SPOCK3: variants seen among roughly 807,000 people sequenced by gnomAD.
SPOCK3 encodes the protein testican-3.
SPOCK3 carries 30 observed loss-of-function variants against 56.6 expected under a neutral mutation model. The ratio of observed to expected loss-of-function variants is 0.53; its 90% confidence interval spans 0.40 to 0.72. The LOEUF is 0.72. SPOCK3 is among the 30% of genes least tolerant of loss of function. The pLI is 0.00. For synonymous variants in SPOCK3, 196 were observed against 183.3 expected (o/e 1.07, Z -0.56); for missense variants, 527 against 530.0 (o/e 0.99, Z 0.06).
intron 2 of SPOCK3, among the ~76,000 whole-genome samples, chr4:167,152,611 T>C (rs1764515128): frequency 6.6e-6 from 1 of 152,200 alleles, no homozygotes; most frequent in African/African-American, 2.4e-5. Flanking sequence ...TTCAACTTTT[T>C]AAATAATCAC....
chr4:166,993,673 CT>C (rs200435221), intron 4 of SPOCK3, among the ~76,000 whole-genome samples: 1,929 of 152,162 alleles, frequency 0.013, 19 homozygotes, highest in Non-Finnish European at 0.019. Context: ...TTCTCAACTA[CT>C]TTGTCTATGG....
intron 6 of SPOCK3, among the ~76,000 whole-genome samples, chr4:166,859,826 T>C (rs923719136): frequency 2.0e-5 from 3 of 152,052 alleles, no homozygotes; most frequent in African/African-American, 4.8e-5. Flanking sequence ...CATTTGAAAA[T>C]AACACTTTCC....
At chr4:167,215,416 A>G (rs1735262896) in intron 2 of SPOCK3, among the ~76,000 whole-genome samples, 2 of 152,106 alleles carry the variant, frequency 1.3e-5, no homozygotes, top group African/African-American at 4.8e-5. Flanking sequence ...TGAAAAAGAC[A>G]GGTTGCATGT....
At chr4:166,778,118 C>A (rs1168197544) in intron 7 of SPOCK3, among the ~76,000 whole-genome samples, 1 of 152,160 alleles carries the variant, frequency 6.6e-6, no homozygotes, top group African/African-American at 2.4e-5. Flanking sequence ...AATTGTCAAG[C>A]AATGTCTCTT....
intron 7 of SPOCK3, among the ~76,000 whole-genome samples, chr4:166,775,697 G>A (rs543144531): frequency 2.0e-5 from 3 of 152,290 alleles, no homozygotes; most frequent in South Asian, 4.1e-4. Flanking sequence ...AATCAGGAAG[G>A]TAGACTTAGA....
At chr4:167,141,148 C>T (rs1342917098) in intron 2 of SPOCK3, among the ~76,000 whole-genome samples, 1 of 151,928 alleles carries the variant, frequency 6.6e-6, no homozygotes, top group Non-Finnish European at 1.5e-5. Context: ...CAGATTTGGA[C>T]TTCAGCCCCA....
intron 3 of SPOCK3, among the ~76,000 whole-genome samples, chr4:167,002,843 T>A (rs1332415309): frequency 6.6e-6 from 1 of 152,198 alleles, no homozygotes; most frequent in Non-Finnish European, 1.5e-5. Context: ...TTAGCCTATG[T>A]TGATGTCTAA....
chr4:166,753,090 A>C (rs968647723), intron 8 of SPOCK3, among the ~76,000 whole-genome samples: 1 of 152,050 alleles, frequency 6.6e-6, no homozygotes, highest in Non-Finnish European at 1.5e-5. Flanking sequence ...GAATATTCTA[A>C]GATAAAGAAT....
At chr4:167,059,024 G>A (rs1416482266) in intron 3 of SPOCK3, among the ~76,000 whole-genome samples, 4 of 151,834 alleles carry the variant, frequency 2.6e-5, no homozygotes, top group Non-Finnish European at 4.4e-5. Context: ...AGACTTAAAC[G>A]TTAGACCTAA....
At chr4:166,840,339 T>C (rs972149558) in intron 6 of SPOCK3, among the ~76,000 whole-genome samples, 2 of 152,222 alleles carry the variant, frequency 1.3e-5, no homozygotes, top group East Asian at 3.9e-4. Flanking sequence ...TTCAGCCTTC[T>C]CTGATTTGGG....
intron 2 of SPOCK3, among the ~76,000 whole-genome samples, chr4:167,182,612 T>G (rs1366154855): frequency 6.6e-6 from 1 of 152,084 alleles, no homozygotes; most frequent in African/African-American, 2.4e-5. Flanking sequence ...CAATCTTAGC[T>G]TACTGCAACC....
At chr4:167,170,046 A>G (rs1288040949) in intron 2 of SPOCK3, among the ~76,000 whole-genome samples, 2 of 152,148 alleles carry the variant, frequency 1.3e-5, no homozygotes, top group Non-Finnish European at 2.9e-5. Flanking sequence ...TATACATTAC[A>G]CAGTCTCAAG....
At chr4:166,796,530 T>C (rs1199315202) in intron 6 of SPOCK3, among the ~76,000 whole-genome samples, 1 of 152,182 alleles carries the variant, frequency 6.6e-6, no homozygotes, top group Non-Finnish European at 1.5e-5. Flanking sequence ...AAGGTCACCA[T>C]TCATTTTTGC....
At chr4:167,023,207 A>T (rs986619709) in intron 3 of SPOCK3, among the ~76,000 whole-genome samples, 1 of 151,926 alleles carries the variant, frequency 6.6e-6, no homozygotes, top group African/African-American at 2.4e-5. Context: ...ATATGGCACA[A>T]TTCTTCAGGG....
intron 2 of SPOCK3, among the ~76,000 whole-genome samples, chr4:167,113,520 A>G (rs566101416): frequency 6.6e-6 from 1 of 152,214 alleles, no homozygotes; most frequent in Non-Finnish European, 1.5e-5. Flanking sequence ...AATAGGAATA[A>G]GAATGGGTTT....
chr4:166,770,900 T>A (rs1199765371), intron 7 of SPOCK3, among the ~76,000 whole-genome samples: 1 of 151,932 alleles, frequency 6.6e-6, no homozygotes, highest in Non-Finnish European at 1.5e-5. Context: ...GTTAAAAATC[T>A]AATTTTCATT....
chr4:167,049,530 G>A (rs1023435537), intron 3 of SPOCK3, among the ~76,000 whole-genome samples: 9 of 152,038 alleles, frequency 5.9e-5, no homozygotes, highest in South Asian at 2.1e-4. Context: ...GTCAGTTTGA[G>A]GAGCAGTGCA....
intron 7 of SPOCK3, among the ~76,000 whole-genome samples, chr4:166,762,149 T>A (rs1254142472): frequency 6.6e-6 from 1 of 152,106 alleles, no homozygotes; most frequent in Non-Finnish European, 1.5e-5. Context: ...AACAGAGTTA[T>A]CTCACTCAAA....
chr4:167,092,220 A>G (rs1437806964), intron 2 of SPOCK3, among the ~76,000 whole-genome samples: 1 of 152,158 alleles, frequency 6.6e-6, no homozygotes, highest in African/African-American at 2.4e-5. Context: ...AGCCAAGGGA[A>G]GCTGTGAGGG....
Sources: gnomAD v4.1 joint callset for allele counts (sites outside exome capture counted in the v4.1 genomes callset) on GRCh38, gnomAD v4.1.1 for gene constraint, MANE v1.5 for transcripts, NCBI Gene and HGNC (gene_info 2026-07-23, HGNC 2026-07-21) for gene names.